WDR47: variants seen among roughly 807,000 people sequenced by gnomAD.
WDR47 encodes the protein WD repeat-containing protein 47.
In WDR47, 32 loss-of-function variants were observed where a neutral mutation model predicts 97.2. The observed-to-expected ratio is 0.33, with a 90% CI of 0.25 to 0.44. The LOEUF is 0.44. WDR47 is among the 20% of genes least tolerant of loss of function. WDR47 has a pLI of 1.00. For synonymous variants in WDR47, 375 were observed against 373.5 expected, an observed-to-expected ratio of 1.00 and a Z score of -0.05; for missense variants, 782 against 1,102.3, an observed-to-expected ratio of 0.71 and a Z score of 4.11.
chr1:109,030,714 TA>T (rs1453351472), intron 1 of WDR47, among the ~76,000 whole-genome samples: 1 of 106,428 alleles, frequency 9.4e-6, no homozygotes, highest in East Asian at 2.6e-4. Context: ...AGCTTTTCAA[TA>T]AAATACCAAA....
chr1:109,039,186 G>C (rs912234146), intron 1 of WDR47, among the ~76,000 whole-genome samples: 2 of 152,028 alleles, frequency 1.3e-5, no homozygotes, highest in Non-Finnish European at 2.9e-5. Flanking sequence ...TACAATGATC[G>C]AGCTATTACA....
chr1:108,975,680 A>G (rs370498740), intron 13 of WDR47, among the ~76,000 whole-genome samples: 1 of 142,952 alleles, frequency 7.0e-6, no homozygotes. Flanking sequence ...AAAATAAATT[A>G]AAAAAAAAAA....
rs182359509 is a variant in WDR47, at chr1:109,033,202, G to A, written c.-10+8660C>T. 2.2e-3 allele frequency among the ~76,000 whole-genome samples: 332 copies of A among 152,174 alleles called. 1 individual carries two copies. The highest frequency in any genetic ancestry group is 0.02 in the Middle Eastern group (6 of 294). On this transcript the variant is annotated intron_variant, in intron 1 of 14. Transcript: ENST00000369962. ...CCAGGTACTCGGGAGGCTGAGGCAG[G>A]AGAATCACTTGAACCCAGGGGGGCA...
intron 8 of WDR47, among the ~76,000 whole-genome samples, 191 bp from the exon 9 acceptor site, chr1:108,991,520 G>T (rs1487972968): frequency 6.6e-6 from 1 of 152,160 alleles, no homozygotes; most frequent in African/African-American, 2.4e-5. Flanking sequence ...AGGAGGAGAT[G>T]AAAAGCCATT....
intron 1 of WDR47, among the ~76,000 whole-genome samples, chr1:109,032,875 T>A (rs2102040243): frequency 6.6e-6 from 1 of 151,732 alleles, no homozygotes; most frequent in African/African-American, 2.4e-5. Flanking sequence ...CCAGCCTGGG[T>A]GACAGAGTGA....
At chr1:109,041,180 AT>A (rs1371821767) in intron 1 of WDR47, among the ~76,000 whole-genome samples, 1 of 147,122 alleles carries the variant, frequency 6.8e-6, no homozygotes, top group Non-Finnish European at 1.5e-5. Context: ...GAGTTCCAAT[AT>A]TTTTCTCCCC....
In WDR47 at chr1:108,995,647, T is replaced by C. The variant is rs965311913; in HGVS notation, c.1624A>G (p.Thr542Ala). ...TTTGTTGATCCAGGATTACGAGGAG[T>C]GCTTGTATGAATATTTGAAGCATCA... is the stretch of plus-strand genomic sequence containing the variant. ...THDASNIHTS[T>A]PRNPGSTNHI... is the part of the protein sequence containing the mutation. The change falls in exon 8 of 15, where the codon ACT becomes GCT. Residue 542 changes from threonine to alanine, a missense_variant. Coordinates refer to ENST00000369962, the MANE Select transcript of WDR47 (RefSeq NM_001142551.2). 45 of 1,613,962 alleles carry C rather than the reference T, an allele frequency of 2.8e-5. No homozygotes were observed. The highest frequency in any genetic ancestry group is 3.7e-5 in the Non-Finnish European group (44 of 1,180,002).
rs145617412 is a variant in WDR47 at position 108,984,696 on chromosome 1, G to A, written c.1926-1245C>T. ...AAATCAAGACCATCCTGGCCAACAT[G>A]GTGAAACCCCGTCGCTACTAAAAAT... On this transcript the variant is annotated intron_variant, in intron 10 of 14. Transcript: ENST00000369962. Among the ~76,000 whole-genome samples the A allele has an allele frequency of 2.6e-3, 392 of 152,182 alleles. 2 individuals are homozygous for A. The highest frequency in any genetic ancestry group is 9.1e-3 in the African/African-American group (378 of 41,526).
chr1:108,991,404 C>CCT, intron 8 of WDR47, 75 bp from the exon 9 acceptor site: 1 of 1,364,224 alleles, frequency 7.3e-7, no homozygotes, highest in Non-Finnish European at 1.0e-6. Context: ...CCCTTTCAAA[C>CCT]ACTAATTTTT....
chr1:109,013,803 A>C (rs753635081), intron 4 of WDR47, 38 bp downstream of exon 4: 137 of 1,599,796 alleles, frequency 8.6e-5, no homozygotes, highest in Admixed American at 2.6e-4. Context: ...GACTGAAAAC[A>C]AGACTAGGGC....
chr1:108,977,436 G>A (rs771112553), intron 13 of WDR47, among the ~76,000 whole-genome samples: 8 of 151,940 alleles, frequency 5.3e-5, no homozygotes, highest in Non-Finnish European at 1.0e-4. Flanking sequence ...TTACAGGTAT[G>A]AGCCACCACA....
At chr1:109,006,948 T>C (rs1660672441) in intron 5 of WDR47, among the ~76,000 whole-genome samples, 1 of 152,122 alleles carries the variant, frequency 6.6e-6, no homozygotes, top group African/African-American at 2.4e-5. Flanking sequence ...AAAAAAAATT[T>C]TTTTTTTGAG....
At chr1:108,992,345 C>T (rs1659416066) in intron 8 of WDR47, 1 of 813,224 alleles carries the variant, frequency 1.2e-6, no homozygotes. Context: ...AGGTTCCAAT[C>T]TTCGTGTTCA....
chr1:108,992,942 T>A, intron 8 of WDR47: 1 of 844,704 alleles, frequency 1.2e-6, no homozygotes, highest in Non-Finnish European at 1.8e-6. Flanking sequence ...TCCTAGAACT[T>A]AAGTTTCCAA....
At chr1:109,025,635 G>A (rs1662160717) in intron 1 of WDR47, among the ~76,000 whole-genome samples, 1 of 151,866 alleles carries the variant, frequency 6.6e-6, no homozygotes. Context: ...TTGGGAGGCT[G>A]AGGCAGGAGA....
In WDR47 at chr1:109,011,194, C is replaced by T. The variant is rs1661014926; in HGVS notation, c.852G>A (p.Leu284=). ...KPTKAAYADL[L]TPLISKLSPY... ...GAGAGAGTTTGCTGATAAGAGGAGT[C>T]AAAAGATCAGCATATGCAGCTTTTG... Residue 284 remains leucine (L), a synonymous_variant, in exon 5 of 15, where the codon TTG becomes TTA. Coordinates refer to ENST00000369962, the MANE Select transcript of WDR47 (RefSeq NM_001142551.2). 3 of 1,614,020 alleles carry T rather than the reference C, an allele frequency of 1.9e-6. No homozygotes were observed. The highest frequency in any genetic ancestry group is 1.6e-4 in the Middle Eastern group (1 of 6,062).
chr1:109,039,385 A>G (rs1224238155), intron 1 of WDR47, among the ~76,000 whole-genome samples: 1 of 151,938 alleles, frequency 6.6e-6, no homozygotes, highest in Non-Finnish European at 1.5e-5. Flanking sequence ...AGCCTCCCAA[A>G]TAGCTGGGAT....
At chr1:108,988,093 A>T (rs1161186172) in intron 9 of WDR47, among the ~76,000 whole-genome samples, 1 of 148,110 alleles carries the variant, frequency 6.8e-6, no homozygotes, top group Non-Finnish European at 1.5e-5. Context: ...AAAAAAAAAA[A>T]TTTTAGACGG....
At chr1:109,035,855 C>T (rs1662908893) in intron 1 of WDR47, among the ~76,000 whole-genome samples, 1 of 151,420 alleles carries the variant, frequency 6.6e-6, no homozygotes, top group Non-Finnish European at 1.5e-5. Flanking sequence ...TACTATGCTA[C>T]CCAGACTACA....
Sources: gnomAD v4.1 joint callset for allele counts (sites outside exome capture counted in the v4.1 genomes callset) on GRCh38, gnomAD v4.1.1 for gene constraint, MANE v1.5 for transcripts, NCBI Gene and HGNC (gene_info 2026-07-23, HGNC 2026-07-21) for gene names.